The following POGZ variants were observed in gnomAD, a reference collection of about 807,000 sequenced individuals.
POGZ encodes pogo transposable element derived with ZNF domain, also known as pogo transposable element with ZNF domain.
A neutral mutation model predicts 134.6 loss-of-function variants in POGZ; 17 were observed. The ratio of observed to expected loss-of-function variants is 0.13; its 90% CI spans 0.09 to 0.19. POGZ has a LOEUF of 0.19. POGZ is among the 10% of genes least tolerant of loss of function. The probability of loss-of-function intolerance (pLI) is 1.00; values close to 1 mark genes in which losing one functional copy is unlikely to be tolerated. For synonymous variants in POGZ, 693 were observed against 657.1 expected (o/e 1.05, Z -0.84); for missense variants, 1,306 against 1,769.7 (o/e 0.74, Z 4.70).
chr1:151,434,977 T>C (rs1231580089), intron 3 of POGZ, among the ~76,000 whole-genome samples: 1 of 151,846 alleles, frequency 6.6e-6, no homozygotes, highest in Non-Finnish European at 1.5e-5. Context: ...CTCAGCTCAC[T>C]GCAACCTCTG....
At chr1:151,446,506 A>C (rs1293378865) in intron 1 of POGZ, among the ~76,000 whole-genome samples, 1 of 152,184 alleles carries the variant, frequency 6.6e-6, no homozygotes, top group Non-Finnish European at 1.5e-5. Context: ...CTGTAATCCC[A>C]ACACTTTGGG....
chr1:151,423,283 C>CAAA, intron 10 of POGZ, 114 bp downstream of exon 10: 1 of 844,802 alleles, frequency 1.2e-6, no homozygotes, highest in East Asian at 2.6e-5. Flanking sequence ...ATGAAAAGTA[C>CAAA]TTCCTCTACA....
chr1:151,424,403 T>C (rs945731127), intron 8 of POGZ, 117 bp from the exon 9 acceptor site: 5 of 659,374 alleles, frequency 7.6e-6, no homozygotes, highest in African/African-American at 7.3e-5. Flanking sequence ...CATTCAGCTT[T>C]CACCCTTCAG....
In POGZ at chr1:151,408,452, G is replaced by C. The variant is rs1301515569; in HGVS notation, c.2191C>G (p.Pro731Ala). Residue 731 changes from proline to alanine, a missense_variant, in exon 14 of 19, where the codon CCC becomes GCC. Pro to Ala is a conservative substitution (Grantham distance 27). This residue lies in a region of POGZ where 149 missense variants were observed against 237.5 expected (regional missense o/e 0.63). Transcript: ENST00000271715. ...TTCTGGATGCTGCGCTGGACAGGGG[G>C]ATAAAGGAAGACAGGCAGAGGGTCC... ...SMDPLPVFLY[P>A]PVQRSIQKRA... The C allele has an allele frequency of 1.3e-6, 2 of 1,593,964 alleles. No homozygotes were observed. Among genetic ancestry groups the C allele is most frequent in the African/African-American group, 2.7e-5 (2 of 73,266 alleles).
intron 10 of POGZ, among the ~76,000 whole-genome samples, chr1:151,414,854 G>T (rs1311518762): frequency 6.6e-6 from 1 of 152,148 alleles, no homozygotes; most frequent in Admixed American, 6.5e-5. Context: ...AATATAAGGG[G>T]ATTTAAGAGA....
intron 14 of POGZ, 68 bp downstream of exon 14, chr1:151,408,341 A>G: frequency 1.3e-6 from 2 of 1,562,890 alleles, no homozygotes; most frequent in Non-Finnish European, 1.7e-6. Context: ...ACCAGATTGC[A>G]CTGTGTATCA....
chr1:151,448,370 G>A (rs572480209), intron 1 of POGZ, among the ~76,000 whole-genome samples: 1 of 152,016 alleles, frequency 6.6e-6, no homozygotes, highest in African/African-American at 2.4e-5. Flanking sequence ...CTAGCACTTC[G>A]GGAGGCTGAG....
intron 1 of POGZ, among the ~76,000 whole-genome samples, chr1:151,458,214 CAGAA>C (rs1662999595): frequency 6.6e-6 from 1 of 152,108 alleles, no homozygotes; most frequent in African/African-American, 2.4e-5. Flanking sequence ...GAACAACACG[CAGAA>C]AGACGGAAAA....
chr1:151,449,573 A>G (rs1006104386), intron 1 of POGZ, among the ~76,000 whole-genome samples: 2 of 152,204 alleles, frequency 1.3e-5, no homozygotes, highest in Non-Finnish European at 2.9e-5. Flanking sequence ...CATTCTATAC[A>G]TAAAGAACTA....
At position 151,404,781 on chromosome 1, in the gene POGZ, A is replaced by AC. The variant is rs1293398872; in HGVS notation, c.*20dup. The stretch of plus-strand genomic sequence containing the variant: ...TCACATGTTCCCACCCTCACTCCAC[A>AC]CCCCCTCATGACCCCAACACTCAAA... On this transcript the variant is annotated 3_prime_UTR_variant, in exon 19 of 19. Transcript: ENST00000271715. 1 of 1,554,874 alleles carries AC rather than the reference A, an allele frequency of 6.4e-7. No homozygotes were observed. Among genetic ancestry groups the AC allele is most frequent in the Non-Finnish European group, 8.7e-7 (1 of 1,151,132 alleles).
chr1:151,427,728 A>G, intron 7 of POGZ, 95 bp downstream of exon 7: 1 of 833,320 alleles, frequency 1.2e-6, no homozygotes, highest in South Asian at 1.6e-5. Context: ...ATTTTATTTT[A>G]TTTTTCTATT....
chr1:151,406,641 A>G lies in POGZ; in HGVS notation c.2546-10T>C. The G allele has an allele frequency of 6.2e-7, 1 of 1,605,334 alleles. No homozygotes were observed. Among genetic ancestry groups the G allele is most frequent in the South Asian group, 1.1e-5 (1 of 90,154 alleles). On this transcript the variant is annotated splice_polypyrimidine_tract_variant and intron_variant, in intron 17 of 18. Transcript: ENST00000271715. The stretch of plus-strand genomic sequence containing the variant: ...GCTATCCAAGTGAGTCCTATGGAAA[A>G]TGAAACAACAAAAATAGTTAGCTCA...
At position 151,423,528 on chromosome 1, in the gene POGZ, T is replaced by C; in HGVS notation, c.1547A>G (p.His516Arg). 6.2e-7 allele frequency: 1 copy of C among 1,613,718 alleles called. No homozygotes were observed. The highest frequency in any genetic ancestry group is 8.5e-7 in the Non-Finnish European group (1 of 1,179,692). ...NIRFMNHMKH[H>R]VELDQQNGEV... ...ACCGTTCTGCTGATCGAGTTCTACG[T>C]GGTGTTTCATATGGTTCATGAATCT... The change falls in exon 10 of 19, where the codon CAC becomes CGC. Residue 516 changes from histidine to arginine, a missense_variant. Physicochemically the swap from His to Arg is conservative, Grantham distance 29 (BLOSUM62 0). Around this residue, in one of 10 missense-constraint regions of POGZ, gnomAD observed 541 missense variants for 680.5 expected, o/e 0.80. Transcript: ENST00000271715.
chr1:151,442,336 C>G (rs1016814603), intron 1 of POGZ, 131 bp from the exon 2 acceptor site: 6 of 584,584 alleles, frequency 1.0e-5, no homozygotes, highest in African/African-American at 9.6e-5. Flanking sequence ...ATCCTCTAGC[C>G]TTCCTCCATT....
chr1:151,420,546 C>G (rs1406686930), intron 10 of POGZ, among the ~76,000 whole-genome samples: 2 of 152,090 alleles, frequency 1.3e-5, no homozygotes, highest in African/African-American at 4.8e-5. Context: ...AACTCCTAAG[C>G]TCAATCTGCC....
At chr1:151,427,702 A>G (rs1161907091) in intron 7 of POGZ, 121 bp downstream of exon 7, 1 of 716,992 alleles carries the variant, frequency 1.4e-6, no homozygotes, top group African/African-American at 1.8e-5. Context: ...CTGTAAGAAC[A>G]AACTACAGCA....
intron 2 of POGZ, 109 bp from the exon 3 acceptor site, chr1:151,441,195 G>C (rs1660471509): frequency 3.9e-6 from 3 of 765,366 alleles, no homozygotes; most frequent in Non-Finnish European, 6.0e-6. Flanking sequence ...TAGCCAAAAA[G>C]TTTCCTGTTT....
At chr1:151,422,597 T>C (rs1034990723) in intron 10 of POGZ, among the ~76,000 whole-genome samples, 6 of 147,426 alleles carry the variant, frequency 4.1e-5, no homozygotes, top group Non-Finnish European at 9.0e-5. Flanking sequence ...TAATATTATC[T>C]TTTTTTTTTT....
At chr1:151,439,189 C>G (rs1283093445) in intron 3 of POGZ, 8 of 152,122 alleles carry the variant, frequency 5.3e-5, no homozygotes, top group African/African-American at 1.9e-4. Context: ...AGTCACTTAG[C>G]AACTATTATT....
Sources: gnomAD v4.1 joint callset for allele counts (sites outside exome capture counted in the v4.1 genomes callset) on GRCh38, gnomAD v4.1.1 for gene constraint, gnomAD v4.1.1 regional missense constraint, MANE v1.5 for transcripts, NCBI Gene and HGNC (gene_info 2026-07-23, HGNC 2026-07-21) for gene names.